The following MTAP variants were observed in gnomAD, a reference collection of about 807,000 sequenced individuals.
MTAP encodes S-methyl-5'-thioadenosine phosphorylase.
Under a neutral mutation model 33.6 loss-of-function variants are expected in MTAP, and 33 were observed. The observed-to-expected ratio is 0.98, with a 90% CI of 0.74 to 1.31. MTAP has a LOEUF of 1.31. MTAP is among the 40% of genes most tolerant of loss of function. The pLI is 0.00. For missense variants in MTAP, 367 were observed against 360.0 expected, an observed-to-expected ratio of 1.02 and a Z score of -0.16; for synonymous variants, 148 against 125.7, an observed-to-expected ratio of 1.18 and a Z score of -1.19.
intron 1 of MTAP, among the ~76,000 whole-genome samples, chr9:21,875,142 G>A (rs1296113862): frequency 6.6e-6 from 1 of 152,150 alleles, no homozygotes; most frequent in Non-Finnish European, 1.5e-5. Context: ...TAAACATAGT[G>A]TGCATGTGTC....
intron 1 of MTAP, among the ~76,000 whole-genome samples, chr9:21,927,585 G>A (rs1254804956): frequency 6.6e-6 from 1 of 152,144 alleles, no homozygotes; most frequent in Non-Finnish European, 1.5e-5. Context: ...TACAATATCA[G>A]CCCCTAGGTT....
Position 21,818,044 on chromosome 9 carries a change from G to A in MTAP, c.189G>A (p.Arg63=), listed in dbSNP as rs1440402333. Residue 63 remains arginine (R), a synonymous_variant, in exon 4 of 8, where the codon AGG becomes AGA. Coordinates refer to ENST00000644715, the MANE Select transcript of MTAP (RefSeq NM_002451.4). ...VDCVLLARHG[R]QHTIMPSKVN... ...TTCTCTCCTTCCATAGGCATGGAAG[G>A]CAGCACACCATCATGCCTTCAAAGG... The A allele has an allele frequency of 1.9e-6, 3 of 1,611,046 alleles. No individual in the cohort carries two copies. Among genetic ancestry groups the A allele is most frequent in the East Asian group, 4.5e-5 (2 of 44,690 alleles).
At chr9:21,810,562 C>T (rs996338087) in intron 1 of MTAP, among the ~76,000 whole-genome samples, 6 of 152,148 alleles carry the variant, frequency 3.9e-5, no homozygotes, top group African/African-American at 1.4e-4. Context: ...GCTCATGACT[C>T]AAACTCCTCT....
At chr9:21,822,318 T>C (rs1413024798) in intron 4 of MTAP, among the ~76,000 whole-genome samples, 1 of 152,234 alleles carries the variant, frequency 6.6e-6, no homozygotes, top group Non-Finnish European at 1.5e-5. Flanking sequence ...CCAGAGATTC[T>C]GGTATGTTGT....
chr9:21,880,940 C>A (rs1485097784), intron 1 of MTAP, among the ~76,000 whole-genome samples: 7 of 151,768 alleles, frequency 4.6e-5, no homozygotes, highest in Non-Finnish European at 4.4e-5. Context: ...CTCAAAGGAC[C>A]CCCCAGTAGC....
In MTAP at chr9:21,899,147, A is replaced by G. The variant is rs112337974; in HGVS notation, c.148-31861A>G. 7.0e-3 allele frequency among the ~76,000 whole-genome samples: 1,027 copies of G among 146,556 alleles called. 18 individuals carry two copies. The highest frequency in any genetic ancestry group is 0.023 in the African/African-American group (930 of 39,640). ...CTATCCCAAGGACAGAAAACCAAAC[A>G]CTGCATGTTCTCACTCATAGGTGAG... On this transcript the variant is annotated intron_variant, in intron 1 of 1. Coordinates refer to the MTAP transcript ENST00000577563.
At chr9:21,837,093 C>G (rs1375280462) in intron 4 of MTAP, among the ~76,000 whole-genome samples, 1 of 152,164 alleles carries the variant, frequency 6.6e-6, no homozygotes, top group Non-Finnish European at 1.5e-5. Context: ...CAAGAAATTT[C>G]CAGGTGACTT....
intron 1 of MTAP, chr9:21,803,227 C>T: frequency 6.1e-6 from 2 of 326,888 alleles, no homozygotes; most frequent in East Asian, 4.8e-5. Flanking sequence ...TCTCCTGGTG[C>T]CTTGCGGGAC....
chr9:21,935,673 T>C (rs1219850844), downstream of MTAP: 2 of 151,926 alleles, frequency 1.3e-5, no homozygotes. Context: ...TTGGTTGAGT[T>C]TTTTTTTCTT....
intron 1 of MTAP, among the ~76,000 whole-genome samples, chr9:21,896,550 G>A (rs112905151): frequency 2.6e-5 from 4 of 152,108 alleles, no homozygotes; most frequent in South Asian, 2.1e-4. Flanking sequence ...AATGATAAAG[G>A]GGATATCACC....
chr9:21,928,339 A>G (rs765166361), intron 1 of MTAP, among the ~76,000 whole-genome samples: 14 of 152,212 alleles, frequency 9.2e-5, no homozygotes, highest in Non-Finnish European at 1.6e-4. Flanking sequence ...GTGAACCACA[A>G]ATAATCCCTA....
chr9:21,809,604 A>C (rs1314697115), intron 1 of MTAP, among the ~76,000 whole-genome samples: 1 of 151,082 alleles, frequency 6.6e-6, no homozygotes, highest in Non-Finnish European at 1.5e-5. Flanking sequence ...GCACCACTGC[A>C]CTCCAGCCTG....
chr9:21,802,707 T>C lies in MTAP; in HGVS notation c.-42T>C. On this transcript the variant is annotated 5_prime_UTR_variant, in exon 1 of 8. Coordinates refer to ENST00000644715, the MANE Select transcript of MTAP (RefSeq NM_002451.4). The stretch of plus-strand genomic sequence containing the variant: ...TCTGTGGCTCGCTTGGTTCCCTTAG[T>C]CCCGAGCGCTCGCCCACTGCAGATT... The C allele has an allele frequency of 6.2e-7, 1 of 1,603,516 alleles. No homozygotes were observed. The highest frequency in any genetic ancestry group is 1.1e-5 in the South Asian group (1 of 89,260).
At chr9:21,939,696 T>A (rs1354858113), downstream of MTAP, among the ~76,000 whole-genome samples, 2 of 148,528 alleles carry the variant, frequency 1.3e-5, no homozygotes, top group Non-Finnish European at 2.9e-5. Flanking sequence ...AAACCCCAGC[T>A]CTATGAAAAA....
intron 5 of MTAP, among the ~76,000 whole-genome samples, chr9:21,852,724 C>T (rs1444742644): frequency 6.6e-6 from 1 of 150,948 alleles, no homozygotes; most frequent in Non-Finnish European, 1.5e-5. Flanking sequence ...AAAAAAAAGC[C>T]TGGTAATAAT....
At chr9:21,815,746 T>C in intron 2 of MTAP, 2 of 508,192 alleles carry the variant, frequency 3.9e-6, no homozygotes, top group Non-Finnish European at 7.0e-6. Flanking sequence ...CTACTTAGTA[T>C]GTAAATCACT....
In MTAP at chr9:21,865,442, A is replaced by G. The variant is rs142136256; in HGVS notation, c.*3428A>G. The G allele has an allele frequency of 5.8e-4, 571 of 985,228 alleles. 2 individuals carry two copies. In the African/African-American group the frequency reaches 8.8e-3, roughly 15 times the overall value. 61.0% of individuals were successfully genotyped at this position (985,228 alleles called of 1,614,324 possible). A position where few individuals can be genotyped will look rare whatever the true frequency, so the allele number is the denominator to read the frequency against. On this transcript the variant is annotated 3_prime_UTR_variant, in exon 8 of 8. Coordinates refer to ENST00000644715, the MANE Select transcript of MTAP (RefSeq NM_002451.4). ...CAGCAGCATGAGAATGGACTAATAC[A>G]CTCCTCAAATGTTTTGAAGATTGTT...
downstream of MTAP, among the ~76,000 whole-genome samples, chr9:21,867,301 T>C (rs565859366): frequency 6.6e-6 from 1 of 152,174 alleles, no homozygotes; most frequent in Non-Finnish European, 1.5e-5. Context: ...TATTAAAATA[T>C]GTTAGCTATA....
chr9:21,899,206 G>T (rs1167820926), intron 1 of MTAP, among the ~76,000 whole-genome samples: 1 of 139,824 alleles, frequency 7.2e-6, no homozygotes, highest in Non-Finnish European at 1.5e-5. Context: ...ACACAGGAAG[G>T]GGAACATCAC....
Sources: gnomAD v4.1 joint callset for allele counts (sites outside exome capture counted in the v4.1 genomes callset) on GRCh38, gnomAD v4.1.1 for gene constraint, MANE v1.5 for transcripts, NCBI Gene and HGNC (gene_info 2026-07-23, HGNC 2026-07-21) for gene names.